C13orf46: variants seen among roughly 807,000 people sequenced by gnomAD.
C13orf46 encodes chromosome 13 open reading frame 46, also known as uncharacterized protein C13orf46.
intron 5 of C13orf46, among the ~76,000 whole-genome samples, chr13:113,966,411 T>C (rs2052648628): frequency 1.3e-5 from 2 of 151,042 alleles, no homozygotes; most frequent in Non-Finnish European, 2.9e-5. Flanking sequence ...ATGGTGATGA[T>C]GATGATGATG....
chr13:113,964,860 C>A (rs2052620999), intron 6 of C13orf46, 67 bp downstream of exon 6: 1 of 152,234 alleles, frequency 6.6e-6, no homozygotes. Flanking sequence ...GGTGGGCACA[C>A]CAGAGACCGT....
the C13orf46 span, chr13:113,927,807 C>G: frequency 7.6e-6 from 3 of 393,310 alleles, no homozygotes. Flanking sequence ...CAGGGTCGCT[C>G]TGTGGACCTT....
chr13:113,945,968 C>CCGA, the C13orf46 span, among the ~76,000 whole-genome samples: 5 of 143,988 alleles, frequency 3.5e-5, no homozygotes, highest in East Asian at 2.0e-4. Context: ...CCCACCGCCG[C>CCGA]CCGTTCACTG....
At chr13:113,953,235 A>C (rs2052496519), downstream of C13orf46, among the ~76,000 whole-genome samples, 1 of 152,222 alleles carries the variant, frequency 6.6e-6, no homozygotes, top group African/African-American at 2.4e-5. Context: ...GGCCCAAGCC[A>C]GGTGGCCACT....
intron 1 of C13orf46, among the ~76,000 whole-genome samples, chr13:113,973,105 G>A (rs1229763118): frequency 2.0e-5 from 3 of 152,240 alleles, no homozygotes; most frequent in Non-Finnish European, 4.4e-5. Flanking sequence ...GAGCTAAGGG[G>A]AGGAGTAAGG....
Position 113,954,980 on chromosome 13 carries a change from C to CGAGGAGGAGGATCTGGCGGAGAG in C13orf46, c.*1792_*1793insCTCTCCGCCAGATCCTCCTCCTC, listed in dbSNP as rs2052510877. The CGAGGAGGAGGATCTGGCGGAGAG allele has an allele frequency of 5.1e-5, 3 of 58,626 alleles. No homozygotes were observed. The highest frequency in any genetic ancestry group is 1.3e-4 in the African/African-American group (2 of 14,978). The allele number at this position is 58,626 out of a possible 1,614,324, so 3.6% of individuals were successfully genotyped here. A position where few individuals can be genotyped will look rare whatever the true frequency, so the allele number is the denominator to read the frequency against. On this transcript the variant is annotated 3_prime_UTR_variant, in exon 7 of 7. Coordinates refer to ENST00000636427, the MANE Select transcript of C13orf46 (RefSeq NM_001365455.2). ...GACGAGGAGGAGGATCTGGCGGAGA[C>CGAGGAGGAGGATCTGGCGGAGAG]GAGGAGGAGGATCTGGCAGAGAGGA... is the stretch of plus-strand genomic sequence containing the variant.
At chr13:113,931,940 C>G in the C13orf46 span, among the ~76,000 whole-genome samples, 17 of 152,140 alleles carry the variant, frequency 1.1e-4, no homozygotes, top group African/African-American at 4.1e-4. Flanking sequence ...CAGGCTGGCC[C>G]CTGCCCCGTC....
At chr13:113,935,325 C>T in the C13orf46 span, among the ~76,000 whole-genome samples, 1 of 152,232 alleles carries the variant, frequency 6.6e-6, no homozygotes, top group African/African-American at 2.4e-5. Flanking sequence ...AGGTTAGGGG[C>T]CCCTGGCCCT....
At chr13:113,953,143 C>G (rs2052496183), downstream of C13orf46, among the ~76,000 whole-genome samples, 1 of 152,230 alleles carries the variant, frequency 6.6e-6, no homozygotes, top group Admixed American at 6.5e-5. Context: ...TGGCACAAGG[C>G]AGCCCCATTC....
Position 113,962,336 on chromosome 13 carries a change from GC to G in C13orf46, c.572+2590del, listed in dbSNP as rs2052593860. 1.3e-5 allele frequency among the ~76,000 whole-genome samples: 2 copies of G among 152,224 alleles called. 1 individual carries two copies. Among genetic ancestry groups the G allele is most frequent in the South Asian group, 4.1e-4 (2 of 4,828 alleles). On this transcript the variant is annotated intron_variant, in intron 6 of 6. Transcript: ENST00000636427. ...CAGGAGAATGGCGTGAACCTGGGGG[GC>G]GGAGCTTGCAGTGAGCCGAGATGGT...
the C13orf46 span, chr13:113,928,345 G>C: frequency 1.3e-5 from 2 of 152,466 alleles, no homozygotes; most frequent in African/African-American, 4.8e-5. Context: ...GGCTGCGCAG[G>C]GCGCCTGTGG....
chr13:113,973,038 C>T (rs1405381385), intron 1 of C13orf46, among the ~76,000 whole-genome samples: 1 of 152,230 alleles, frequency 6.6e-6, no homozygotes, highest in Admixed American at 6.5e-5. Context: ...AGGCAGGAGG[C>T]CCGGCCCGGT....
chr13:113,958,057 CG>C (rs879092793), intron 6 of C13orf46, among the ~76,000 whole-genome samples: 2 of 127,956 alleles, frequency 1.6e-5, no homozygotes, highest in South Asian at 2.8e-4. Flanking sequence ...TCAAGTGCAC[CG>C]GGGGGGTCTC....
the C13orf46 span, among the ~76,000 whole-genome samples, chr13:113,945,746 G>A: frequency 6.6e-6 from 1 of 152,132 alleles, no homozygotes; most frequent in Admixed American, 6.5e-5. Flanking sequence ...TCTAGTAAAC[G>A]AAAATGTAGC....
the C13orf46 span, chr13:113,926,729 T>C: frequency 6.6e-6 from 1 of 152,228 alleles, no homozygotes; most frequent in Non-Finnish European, 1.5e-5. Flanking sequence ...CCGAAGTATA[T>C]GCTTCAAGAT....
intron 1 of C13orf46, among the ~76,000 whole-genome samples, chr13:113,970,738 G>C (rs1406280917): frequency 1.3e-5 from 2 of 152,210 alleles, no homozygotes; most frequent in African/African-American, 4.8e-5. Flanking sequence ...GGCTCCCCGA[G>C]AGGCATTGCG....
At chr13:113,952,662 T>C (rs999482134), downstream of C13orf46, among the ~76,000 whole-genome samples, 58 of 152,272 alleles carry the variant, frequency 3.8e-4, no homozygotes, top group African/African-American at 1.3e-3. Flanking sequence ...CTGTGCCCCA[T>C]AGGACTGAAG....
the C13orf46 span, among the ~76,000 whole-genome samples, chr13:113,946,201 C>T: frequency 6.6e-6 from 1 of 152,204 alleles, no homozygotes; most frequent in Non-Finnish European, 1.5e-5. Flanking sequence ...CAGCGGAGAC[C>T]CTCACCTAGC....
chr13:113,966,812 CATGATG>C (rs1301818579), intron 5 of C13orf46, among the ~76,000 whole-genome samples: 3 of 151,910 alleles, frequency 2.0e-5, no homozygotes, highest in Non-Finnish European at 4.4e-5. Context: ...GATGATACCC[CATGATG>C]ATGATGATAA....
Sources: allele counts gnomAD v4.1 joint callset (sites outside exome capture counted in the v4.1 genomes callset), GRCh38; gene constraint gnomAD v4.1.1; transcripts MANE v1.5; gene names NCBI Gene and HGNC (gene_info 2026-07-23, HGNC 2026-07-21).